GLDC: variants seen among roughly 807,000 people sequenced by gnomAD.
The protein encoded by GLDC is glycine decarboxylase, also known as glycine dehydrogenase (decarboxylating), mitochondrial.
GLDC carries 104 observed loss-of-function variants against 121.3 expected under a neutral mutation model. The ratio of observed to expected loss-of-function variants is 0.86; its 90% CI spans 0.73 to 1.01. GLDC has a LOEUF of 1.01. Among genes scored for constraint, GLDC ranks in the 50% least tolerant of loss-of-function variants. The pLI, the probability that GLDC is intolerant of heterozygous loss-of-function variation, is 0.00. For synonymous variants in GLDC, 546 were observed against 480.6 expected (o/e 1.14, Z -1.78); for missense variants, 1,429 against 1,306.6 (o/e 1.09, Z -1.44).
Position 6,532,864 on chromosome 9 carries a change from C to G in GLDC, c.*153G>C, listed in dbSNP as rs1445562679. ...CATCAGCTTCGACTCCCTCCAGCTACTGTATTTACATTTACCTTGACAGAG... is the reference window on the plus strand; with the variant it reads ...CATCAGCTTCGACTCCCTCCAGCTAGTGTATTTACATTTACCTTGACAGAG... On this transcript the variant is annotated 3_prime_UTR_variant, in exon 25 of 25. Transcript: ENST00000321612. 10 of 721,714 alleles carry G rather than the reference C, an allele frequency of 1.4e-5. No homozygotes were observed. The highest frequency in any genetic ancestry group is 1.4e-4 in the South Asian group (9 of 65,474). 44.7% of individuals were successfully genotyped at this position (721,714 alleles called of 1,614,324 possible).
chr9:6,606,700 GAA>G (rs1237466132), intron 4 of GLDC, 31 bp from the exon 5 acceptor site: 1 of 1,233,176 alleles, frequency 8.1e-7, no homozygotes, highest in Non-Finnish European at 1.2e-6. Flanking sequence ...ATTCCAACGT[GAA>G]CATTAAATAA....
At chr9:6,549,549 C>T (rs1185921465) in intron 21 of GLDC, among the ~76,000 whole-genome samples, 1 of 152,178 alleles carries the variant, frequency 6.6e-6, no homozygotes, top group East Asian at 1.9e-4. Context: ...TAGCCATCTA[C>T]TTGAGGCGTT....
At chr9:6,624,487 C>T (rs1819190370) in intron 2 of GLDC, among the ~76,000 whole-genome samples, 1 of 152,146 alleles carries the variant, frequency 6.6e-6, no homozygotes, top group Non-Finnish European at 1.5e-5. Context: ...AACTGATTCT[C>T]CTTCAGAGCT....
intron 2 of GLDC, chr9:6,623,020 C>T (rs544971654): frequency 0.082 from 14,413 of 176,806 alleles, 905 homozygotes; most frequent in Admixed American, 0.12. Flanking sequence ...CCCGGCCAGC[C>T]GCCCTGTCTG....
Position 6,604,638 on chromosome 9 carries a change from GACAGCAAAAAATGC to G in GLDC, c.994_1007del (p.Ala332ProfsTer73), listed in dbSNP as rs760802912. The G allele has an allele frequency of 6.2e-7, 1 of 1,613,608 alleles. No individual in the cohort carries two copies. The highest frequency in any genetic ancestry group is 8.5e-7 in the Non-Finnish European group (1 of 1,179,998). The stretch of plus-strand genomic sequence containing the variant: ...GCATCATTCTCACCAAGCTTTCTCG[GACAGCAAAAAATGC>G]TGCATGGGGTCCCCCATAGCCCAGT... On this transcript the variant is annotated frameshift_variant, in exon 7 of 25. Transcript: ENST00000321612. LOFTEE classifies it high-confidence loss of function.
At chr9:6,643,338 T>C (rs1178025211) in intron 2 of GLDC, among the ~76,000 whole-genome samples, 1 of 151,546 alleles carries the variant, frequency 6.6e-6, no homozygotes, top group African/African-American at 2.4e-5. Context: ...GCCCTCAGCA[T>C]AGCCTGAGCA....
intron 3 of GLDC, among the ~76,000 whole-genome samples, chr9:6,618,829 A>G (rs1479349838): frequency 2.0e-5 from 3 of 151,892 alleles, no homozygotes; most frequent in African/African-American, 7.3e-5. Flanking sequence ...ACAGATGAAC[A>G]CACACACACA....
intron 9 of GLDC, 140 bp from the exon 10 acceptor site, chr9:6,593,130 A>C (rs1818411475): frequency 6.4e-6 from 5 of 782,438 alleles, no homozygotes; most frequent in Non-Finnish European, 8.7e-6. Flanking sequence ...GCTTTTTAAA[A>C]AACTAAACAT....
intron 7 of GLDC, among the ~76,000 whole-genome samples, chr9:6,603,348 G>A (rs1818657493): frequency 6.6e-6 from 1 of 152,126 alleles, no homozygotes; most frequent in African/African-American, 2.4e-5. Context: ...AGGCATGGTG[G>A]CTTACACCTG....
rs1421944290 is a variant in GLDC, at chr9:6,592,906, A to G, written c.1346T>C (p.Val449Ala). The part of the protein sequence containing the change: ...KIQCGCSVKE[V>A]LGRAAQRQIN... Reference sequence around the variant, plus strand: ...CTGCCGCTGAGCGGCCCTGCCCAAGACCTCCTTCACTGAGCAGCCACACTG... The same window carrying G: ...CTGCCGCTGAGCGGCCCTGCCCAAGGCCTCCTTCACTGAGCAGCCACACTG... The change falls in exon 10 of 25, where the codon GTC becomes GCC. Residue 449 changes from valine to alanine, a missense_variant. Physicochemically the swap from Val to Ala is moderately conservative, Grantham distance 64. Transcript: ENST00000321612. 1.2e-6 allele frequency: 2 copies of G among 1,613,882 alleles called. No homozygotes were observed. The highest frequency in any genetic ancestry group is 1.7e-6 in the Non-Finnish European group (2 of 1,179,842).
chr9:6,549,956 G>T (rs1817476963), intron 21 of GLDC, among the ~76,000 whole-genome samples: 1 of 152,094 alleles, frequency 6.6e-6, no homozygotes, highest in Non-Finnish European at 1.5e-5. Context: ...GGCCTTCAAG[G>T]CCCCACGCTA....
chr9:6,582,687 G>A (rs1342092438), intron 15 of GLDC, among the ~76,000 whole-genome samples: 1 of 151,916 alleles, frequency 6.6e-6, no homozygotes, highest in African/African-American at 2.4e-5. Context: ...AAATTAGCCG[G>A]GTGTGGTGGC....
intron 11 of GLDC, among the ~76,000 whole-genome samples, chr9:6,589,602 A>G (rs185534735): frequency 3.0e-4 from 46 of 151,768 alleles, no homozygotes; most frequent in African/African-American, 1.1e-3. Flanking sequence ...TGATTTTTGT[A>G]TTTTTCTAGA....
At chr9:6,608,620 C>T (rs1471628718) in intron 4 of GLDC, among the ~76,000 whole-genome samples, 1 of 151,058 alleles carries the variant, frequency 6.6e-6, no homozygotes, top group African/African-American at 2.4e-5. Context: ...GTGGCAGGCA[C>T]CTGTAGTCCC....
At chr9:6,641,811 A>G (rs1819635549) in intron 2 of GLDC, among the ~76,000 whole-genome samples, 1 of 152,232 alleles carries the variant, frequency 6.6e-6, no homozygotes, top group Admixed American at 6.5e-5. Flanking sequence ...AAGACATTTA[A>G]CACTCCTATA....
chr9:6,562,669 C>A (rs949647221), intron 16 of GLDC, among the ~76,000 whole-genome samples: 1 of 152,158 alleles, frequency 6.6e-6, no homozygotes, highest in African/African-American at 2.4e-5. Context: ...AAGTGATTCT[C>A]CTGCCTCAGC....
chr9:6,568,190 TTC>T (rs145587460), intron 15 of GLDC, among the ~76,000 whole-genome samples: 313 of 148,072 alleles, frequency 2.1e-3, no homozygotes, highest in Non-Finnish European at 2.1e-3. Flanking sequence ...AATGCTGGAT[TTC>T]TCTCTCTCTC....
chr9:6,541,279 A>T (rs1587912825), intron 21 of GLDC: 1 of 152,162 alleles, frequency 6.6e-6, no homozygotes, highest in South Asian at 2.1e-4. Flanking sequence ...ATAGACCAAT[A>T]TTCCTCCGGG....
chr9:6,634,298 G>C (rs1202019269), intron 2 of GLDC, among the ~76,000 whole-genome samples: 1 of 151,992 alleles, frequency 6.6e-6, no homozygotes. Context: ...GAGAGGCCAA[G>C]GCAGGCGGGT....
Sources: allele counts gnomAD v4.1 joint callset (sites outside exome capture counted in the v4.1 genomes callset), GRCh38; gene constraint gnomAD v4.1.1; transcripts MANE v1.5; gene names NCBI Gene and HGNC (gene_info 2026-07-23, HGNC 2026-07-21).